SPPL3: variants seen among roughly 807,000 people sequenced by gnomAD.
SPPL3 encodes signal peptide peptidase like 3.
Under a neutral mutation model 42.4 loss-of-function variants are expected in SPPL3, and 5 were observed. That is an observed-to-expected ratio of 0.12 (90% confidence interval 0.06 to 0.25). SPPL3 has a LOEUF of 0.25. SPPL3 is among the 10% of genes least tolerant of loss of function. The pLI, the probability that SPPL3 is intolerant of heterozygous loss-of-function variation, is 1.00. For synonymous variants in SPPL3, 195 were observed against 181.8 expected (o/e 1.07, Z -0.58); for missense variants, 235 against 489.0 (o/e 0.48, Z 4.90).
intron 2 of SPPL3, among the ~76,000 whole-genome samples, chr12:120,794,538 C>T (rs1870035625): frequency 1.3e-5 from 2 of 152,156 alleles, no homozygotes; most frequent in Non-Finnish European, 2.9e-5. Flanking sequence ...GCTGGGACTA[C>T]AGGCGCATGC....
At chr12:120,802,432 T>TA (rs67248082) in intron 2 of SPPL3, among the ~76,000 whole-genome samples, 7,012 of 84,562 alleles carry the variant, frequency 0.083, 195 homozygotes, top group African/African-American at 0.22. Flanking sequence ...TATATATATA[T>TA]TTTTTTTTTT....
chr12:120,842,002 T>C (rs1871848569), intron 1 of SPPL3, among the ~76,000 whole-genome samples: 1 of 152,208 alleles, frequency 6.6e-6, no homozygotes, highest in African/African-American at 2.4e-5. Context: ...AACTATTACA[T>C]CTAAAACTTC....
At chr12:120,765,627 A>G (rs1455919969) in intron 10 of SPPL3, among the ~76,000 whole-genome samples, 1 of 152,118 alleles carries the variant, frequency 6.6e-6, no homozygotes, top group Non-Finnish European at 1.5e-5. Flanking sequence ...TGGGAAACCA[A>G]AGAGCATTTA....
At chr12:120,799,256 C>G (rs1043350424) in intron 2 of SPPL3, among the ~76,000 whole-genome samples, 1 of 152,104 alleles carries the variant, frequency 6.6e-6, no homozygotes, top group African/African-American at 2.4e-5. Flanking sequence ...AACACAAAGG[C>G]CTGTTTTGTA....
chr12:120,860,124 G>A (rs1485641721), intron 1 of SPPL3, among the ~76,000 whole-genome samples: 1 of 152,112 alleles, frequency 6.6e-6, no homozygotes, highest in Admixed American at 6.5e-5. Context: ...GATCACTTGA[G>A]CCCAGGAAAT....
chr12:120,876,080 T>G (rs1873077951), intron 1 of SPPL3, among the ~76,000 whole-genome samples: 1 of 145,888 alleles, frequency 6.9e-6, no homozygotes, highest in Non-Finnish European at 1.5e-5. Flanking sequence ...TTATACAATA[T>G]TTCACCCAGT....
chr12:120,811,780 A>T (rs1034569847), intron 1 of SPPL3, among the ~76,000 whole-genome samples: 3 of 152,214 alleles, frequency 2.0e-5, no homozygotes, highest in African/African-American at 7.2e-5. Context: ...TACAGTAATA[A>T]ATAAGAGTGC....
chr12:120,786,274 T>G (rs1027229403), intron 3 of SPPL3, among the ~76,000 whole-genome samples: 13 of 152,350 alleles, frequency 8.5e-5, no homozygotes, highest in African/African-American at 2.9e-4. Flanking sequence ...TCGGGAAGTG[T>G]ATCCATTAGA....
At chr12:120,901,605 A>AAAAAAAAAG (rs1250357410) in intron 1 of SPPL3, among the ~76,000 whole-genome samples, 5 of 150,276 alleles carry the variant, frequency 3.3e-5, no homozygotes, top group South Asian at 2.1e-4. Context: ...AAAAAAAAAA[A>AAAAAAAAAG]AAAAAAGGAA....
intron 1 of SPPL3, among the ~76,000 whole-genome samples, chr12:120,818,548 T>A (rs1010756248): frequency 6.6e-6 from 1 of 152,198 alleles, no homozygotes; most frequent in Non-Finnish European, 1.5e-5. Context: ...CATATCCTGC[T>A]AAAAATCATG....
At chr12:120,890,587 T>TC (rs1873608969) in intron 1 of SPPL3, among the ~76,000 whole-genome samples, 1 of 65,432 alleles carries the variant, frequency 1.5e-5, no homozygotes, top group Non-Finnish European at 2.8e-5. Flanking sequence ...AGACTCCGTC[T>TC]CAAAAAAAAA....
chr12:120,773,186 G>A (rs956753724), intron 6 of SPPL3, among the ~76,000 whole-genome samples: 18 of 152,158 alleles, frequency 1.2e-4, no homozygotes, highest in Admixed American at 8.5e-4. Context: ...TATTTGAAAG[G>A]ACAGGACCTC....
At chr12:120,847,748 C>G (rs978002323) in intron 1 of SPPL3, among the ~76,000 whole-genome samples, 3 of 152,060 alleles carry the variant, frequency 2.0e-5, no homozygotes, top group Admixed American at 2.0e-4. Context: ...AAAGTAACCA[C>G]TGAACTGCCT....
At chr12:120,890,355 T>C (rs1873595241) in intron 1 of SPPL3, among the ~76,000 whole-genome samples, 1 of 152,020 alleles carries the variant, frequency 6.6e-6, no homozygotes, top group South Asian at 2.1e-4. Flanking sequence ...TTTGGGAGGC[T>C]GAGGCGGGCA....
intron 3 of SPPL3, 46 bp from the exon 4 acceptor site, chr12:120,784,639 CA>C: frequency 1.3e-6 from 2 of 1,523,442 alleles, no homozygotes; most frequent in Non-Finnish European, 1.8e-6. Context: ...ATGCACCAGG[CA>C]CTGTGCCTAT....
At chr12:120,781,830 C>T (rs541055106) in intron 6 of SPPL3, among the ~76,000 whole-genome samples, 7 of 152,016 alleles carry the variant, frequency 4.6e-5, no homozygotes, top group East Asian at 3.9e-4. Context: ...CCTTGTGATC[C>T]GCCTGCCTCA....
At chr12:120,809,806 G>C (rs1870622583) in intron 2 of SPPL3, among the ~76,000 whole-genome samples, 1 of 152,102 alleles carries the variant, frequency 6.6e-6, no homozygotes, top group African/African-American at 2.4e-5. Context: ...TTAATAGTAA[G>C]ATGAACCATA....
intron 1 of SPPL3, among the ~76,000 whole-genome samples, chr12:120,836,575 G>C (rs574136767): frequency 7.2e-5 from 11 of 152,232 alleles, no homozygotes; most frequent in African/African-American, 2.6e-4. Context: ...CCCAAATGCA[G>C]ATCTGAAGAA....
intron 1 of SPPL3, among the ~76,000 whole-genome samples, chr12:120,848,854 T>C (rs1166616582): frequency 3.9e-5 from 6 of 152,178 alleles, no homozygotes; most frequent in African/African-American, 9.7e-5. Flanking sequence ...TAAATTACTT[T>C]TTATCACTTT....
Sources: allele counts gnomAD v4.1 joint callset (sites outside exome capture counted in the v4.1 genomes callset), GRCh38; gene constraint gnomAD v4.1.1; transcripts MANE v1.5; gene names NCBI Gene and HGNC (gene_info 2026-07-23, HGNC 2026-07-21).